The following SCARA3 variants were observed in gnomAD, a reference collection of about 807,000 sequenced individuals.
The protein encoded by SCARA3 is cellular stress response gene protein.
SCARA3 carries 39 observed loss-of-function variants against 47.0 expected under a neutral mutation model. The ratio of observed to expected loss-of-function variants is 0.83; its 90% CI spans 0.64 to 1.08. SCARA3 has a LOEUF of 1.08. Ranked by LOEUF, SCARA3 falls within the 50% of genes least tolerant of loss-of-function variation. The probability of loss-of-function intolerance (pLI) is 0.00; values close to 1 mark genes in which losing one functional copy is unlikely to be tolerated. For synonymous variants in SCARA3, 356 were observed against 334.1 expected (o/e 1.07, Z -0.71); for missense variants, 724 against 792.3 (o/e 0.91, Z 1.04).
At chr8:27,680,478 T>G (rs1361240845), downstream of SCARA3, among the ~76,000 whole-genome samples, 1 of 152,098 alleles carries the variant, frequency 6.6e-6, no homozygotes, top group African/African-American at 2.4e-5. Flanking sequence ...GGCAAATTCT[T>G]TGAAAGATAA....
At chr8:27,726,513 G>C in the SCARA3 span, among the ~76,000 whole-genome samples, 1 of 152,098 alleles carries the variant, frequency 6.6e-6, no homozygotes, top group Admixed American at 6.5e-5. Context: ...CCTGACCAAT[G>C]CGGTGAAACC....
Position 27,671,283 on chromosome 8 carries a change from C to T in SCARA3, c.1753C>T (p.Pro585Ser), listed in dbSNP as rs1437522075. The T allele has an allele frequency of 4.2e-6, 6 of 1,443,582 alleles. No individual in the cohort carries two copies. Among genetic ancestry groups the T allele is most frequent in the Non-Finnish European group, 5.5e-6 (6 of 1,098,652 alleles). The allele number at this position is 1,443,582 out of a possible 1,614,324, so 89.4% of individuals were successfully genotyped here. A position where few individuals can be genotyped will look rare whatever the true frequency, so the allele number is the denominator to read the frequency against. ...GGGGGCCATGGGGCCTAAGGGTGAA[C>T]CAGGGATCCAGGGTCCCCCTGGTCT... ...QRGAMGPKGE[P>S]GIQGPPGLPG... is the part of the protein sequence containing the mutation. Residue 585 changes from proline to serine, a missense_variant, in exon 6 of 6, where the codon CCA becomes TCA. Coordinates refer to ENST00000301904, the MANE Select transcript of SCARA3 (RefSeq NM_016240.3).
At chr8:27,708,587 A>C in the SCARA3 span, among the ~76,000 whole-genome samples, 160 of 152,310 alleles carry the variant, frequency 1.1e-3, no homozygotes, top group African/African-American at 3.5e-3. Flanking sequence ...TATTATAGAG[A>C]TAACTACCAA....
chr8:27,671,343 T>C lies in SCARA3; in HGVS notation c.1813T>C (p.Phe605Leu). 7.0e-7 allele frequency: 1 copy of C among 1,422,182 alleles called. No individual in the cohort carries two copies. Among genetic ancestry groups the C allele is most frequent in the Non-Finnish European group, 9.2e-7 (1 of 1,089,654 alleles). The allele number at this position is 1,422,182 out of a possible 1,614,324, so 88.1% of individuals were successfully genotyped here. A position where few individuals can be genotyped will look rare whatever the true frequency, so the allele number is the denominator to read the frequency against. Residue 605 changes from phenylalanine (F) to leucine (L), a missense_variant, in exon 6 of 6, where the codon TTC (phenylalanine) becomes CTC (leucine). Physicochemically the swap from Phe to Leu is conservative, Grantham distance 22. Transcript: ENST00000301904. ...TCCAGGTCCACCAGGAAGCCAGAGC[T>C]TCTACTGAGGAGGGCTGTGGCAGAG... The part of the protein sequence containing the change: ...GPPGPPGSQS[F>L]Y
the SCARA3 span, among the ~76,000 whole-genome samples, chr8:27,719,200 C>T: frequency 3.2e-4 from 49 of 152,012 alleles, no homozygotes; most frequent in African/African-American, 1.1e-3. Context: ...TACACAGACA[C>T]AAAAAAGAAT....
rs1258326840 is a variant in SCARA3, at chr8:27,649,816, C to T, written c.106+16C>T. 5 of 1,601,674 alleles carry T rather than the reference C, an allele frequency of 3.1e-6. No homozygotes were observed. In the African/African-American group the frequency reaches 6.7e-5, roughly 21 times the overall value. On this transcript the variant is annotated intron_variant, in intron 2 of 5. Coordinates refer to ENST00000301904, the MANE Select transcript of SCARA3 (RefSeq NM_016240.3). ...ACCCAGAAGGGTAAGGACTCTGGGGCTGCCCCTGATCTCCGCTCTGGGCTG... is the reference window on the plus strand; with the variant it reads ...ACCCAGAAGGGTAAGGACTCTGGGGTTGCCCCTGATCTCCGCTCTGGGCTG...
the SCARA3 span, among the ~76,000 whole-genome samples, chr8:27,715,081 G>T: frequency 6.6e-6 from 1 of 151,966 alleles, no homozygotes; most frequent in Non-Finnish European, 1.5e-5. The surrounding 1 kb of genome is among the most constrained non-coding windows in gnomAD (Gnocchi z 4.2). Flanking sequence ...CACCATGCCT[G>T]GCTAAATTTT....
At chr8:27,688,278 GA>G in the SCARA3 span, among the ~76,000 whole-genome samples, 1 of 152,100 alleles carries the variant, frequency 6.6e-6, no homozygotes, top group African/African-American at 2.4e-5. Context: ...CTTCAGGAGG[GA>G]ATGATTTGTT....
intron 3 of SCARA3, among the ~76,000 whole-genome samples, chr8:27,652,377 G>C (rs1392726207): frequency 6.6e-6 from 1 of 152,180 alleles, no homozygotes; most frequent in African/African-American, 2.4e-5. Flanking sequence ...AGAGTGCTAA[G>C]AGTGCAATCC....
the SCARA3 span, among the ~76,000 whole-genome samples, chr8:27,688,399 C>CAA: frequency 0.074 from 10,264 of 138,620 alleles, 377 homozygotes; most frequent in East Asian, 0.21. Flanking sequence ...TTGATATTGG[C>CAA]AAAAAAAAAA....
chr8:27,678,993 C>A (rs990971311), downstream of SCARA3, among the ~76,000 whole-genome samples: 4 of 152,060 alleles, frequency 2.6e-5, no homozygotes, highest in Non-Finnish European at 5.9e-5. Context: ...TTCGAGACCA[C>A]CTTGGGCAAT....
intron 2 of SCARA3, among the ~76,000 whole-genome samples, chr8:27,650,986 A>C (rs1389039894): frequency 6.6e-6 from 1 of 152,124 alleles, no homozygotes; most frequent in African/African-American, 2.4e-5. Context: ...CAGCCTCCTC[A>C]AGTGCTGGGA....
Position 27,659,826 on chromosome 8 carries a change from G to A in SCARA3, c.1369+287G>A, listed in dbSNP as rs1427823734. ...GATTGCACCACTGCACTGCAGCCTG[G>A]GAGACAGAGTAAGTCCTTATCTAAA... On this transcript the variant is annotated intron_variant, in intron 5 of 5. Transcript: ENST00000301904. 2.3e-5 allele frequency among the ~76,000 whole-genome samples: 3 copies of A among 128,536 alleles called. No homozygotes were observed. The East Asian group carries it at 7.0e-4, about 30-fold the overall frequency. The allele number at this position is 128,536 out of a possible 152,430, so 84.3% of individuals were successfully genotyped here.
chr8:27,710,249 A>AAAAAAC, the SCARA3 span, among the ~76,000 whole-genome samples: 1 of 143,546 alleles, frequency 7.0e-6, no homozygotes, highest in African/African-American at 2.6e-5. Flanking sequence ...AAAAAAAAAA[A>AAAAAAC]GGAGAGATTT....
intron 4 of SCARA3, among the ~76,000 whole-genome samples, chr8:27,658,108 T>C (rs907023784): frequency 3.9e-5 from 6 of 152,208 alleles, no homozygotes; most frequent in African/African-American, 1.4e-4. Flanking sequence ...CTCGTTCCTC[T>C]TGATTGTATT....
At chr8:27,668,688 C>G (rs1353908559) in intron 5 of SCARA3, among the ~76,000 whole-genome samples, 1 of 152,104 alleles carries the variant, frequency 6.6e-6, no homozygotes, top group Non-Finnish European at 1.5e-5. Flanking sequence ...AGTGAAACCC[C>G]ATCTCTGCCA....
At chr8:27,678,876 T>C (rs553921781), downstream of SCARA3, among the ~76,000 whole-genome samples, 1 of 152,290 alleles carries the variant, frequency 6.6e-6, no homozygotes, top group South Asian at 2.1e-4. Context: ...ATAAACCTTG[T>C]AGTTGTTTTA....
intron 1 of SCARA3, among the ~76,000 whole-genome samples, chr8:27,639,357 G>A (rs573983803): frequency 6.6e-6 from 1 of 152,322 alleles, no homozygotes; most frequent in African/African-American, 2.4e-5. Context: ...ACGGGAGATT[G>A]GATGGGAATC....
At chr8:27,644,787 G>A (rs1000013473) in intron 1 of SCARA3, among the ~76,000 whole-genome samples, 1 of 152,100 alleles carries the variant, frequency 6.6e-6, no homozygotes, top group Non-Finnish European at 1.5e-5. Flanking sequence ...GGCACTCCTC[G>A]ATTTTCAGCA....
Sources: gnomAD v4.1 joint callset for allele counts (sites outside exome capture counted in the v4.1 genomes callset) on GRCh38, gnomAD v4.1.1 for gene constraint, Gnocchi (gnomAD v3.1) non-coding constraint, MANE v1.5 for transcripts, NCBI Gene and HGNC (gene_info 2026-07-23, HGNC 2026-07-21) for gene names.